The following VPS13B variants were observed in gnomAD, a reference collection of about 807,000 sequenced individuals.
The protein encoded by VPS13B is vacuolar protein sorting 13 homolog B, also known as intermembrane lipid transfer protein VPS13B.
VPS13B carries 285 observed loss-of-function variants against 426.4 expected under a neutral mutation model. That is an observed-to-expected ratio of 0.67 (90% CI 0.61 to 0.74). The LOEUF (loss-of-function observed/expected upper bound fraction) is 0.74. Ranked by LOEUF, VPS13B falls within the 30% of genes least tolerant of loss-of-function variation. The probability of loss-of-function intolerance (pLI) is 0.00; values close to 1 mark genes in which losing one functional copy is unlikely to be tolerated. For synonymous variants in VPS13B, 1,676 were observed against 1,676.4 expected (o/e 1.00, Z 0.01); for missense variants, 4,537 against 4,782.6 (o/e 0.95, Z 1.51).
At chr8:99,832,224 T>C (rs1815102537) in intron 51 of VPS13B, 145 bp from the exon 52 acceptor site, 3 of 1,198,952 alleles carry the variant, frequency 2.5e-6, no homozygotes, top group African/African-American at 3.2e-5. Flanking sequence ...ATGGTGCCAC[T>C]GCACTCCCGC....
At chr8:99,742,866 A>G (rs1449204811) in intron 39 of VPS13B, among the ~76,000 whole-genome samples, 3 of 152,188 alleles carry the variant, frequency 2.0e-5, no homozygotes, top group Non-Finnish European at 2.9e-5. Flanking sequence ...CACAGCCAAT[A>G]TCATACTGAA....
intron 33 of VPS13B, among the ~76,000 whole-genome samples, chr8:99,618,529 T>C (rs1828208376): frequency 1.3e-5 from 2 of 152,238 alleles, no homozygotes; most frequent in Admixed American, 1.3e-4. Context: ...CTAGACTTTT[T>C]ACAGCTTGAA....
intron 35 of VPS13B, among the ~76,000 whole-genome samples, chr8:99,673,826 AT>A (rs761193941): frequency 6.6e-6 from 1 of 151,984 alleles, no homozygotes; most frequent in Non-Finnish European, 1.5e-5. Flanking sequence ...GTCTCAAGAA[AT>A]TTTTAAATTT....
rs762137925 is a variant in VPS13B at position 99,778,874 on chromosome 8, G to A, written c.7622G>A (p.Ser2541Asn). 1.2e-6 allele frequency: 2 copies of A among 1,614,036 alleles called. No individual in the cohort carries two copies. The highest frequency in any genetic ancestry group is 1.7e-6 in the Non-Finnish European group (2 of 1,179,930). ...LLECRNVTMQ[S>N]VVKPFSIFGQ... ...GAGTGCAGAAATGTCACTATGCAAAGTGTGGTGAAACCCTTCAGCATCTTC... is the reference window on the plus strand; with the variant it reads ...GAGTGCAGAAATGTCACTATGCAAAATGTGGTGAAACCCTTCAGCATCTTC... Residue 2541 changes from serine to asparagine, a missense_variant, in exon 42 of 62, where the codon AGT (serine) becomes AAT (asparagine). Physicochemically the swap from Ser to Asn is conservative, Grantham distance 46. Coordinates refer to ENST00000357162, the MANE Select transcript of VPS13B (RefSeq NM_152564.5).
chr8:99,016,626 C>G lies in VPS13B; in HGVS notation c.147+2691C>G, dbSNP rs563233877. Among the ~76,000 whole-genome samples the G allele has an allele frequency of 5.6e-3, 659 of 118,580 alleles. 7 individuals carry two copies. Among genetic ancestry groups the G allele is most frequent in the African/African-American group, 0.02 (637 of 31,212 alleles). 77.8% of individuals were successfully genotyped at this position (118,580 alleles called of 152,430 possible). ...TTTTTTTTTGAGACGGAGTCTCGCT[C>G]TGTTGCCCAGGCTGGAGTGCAGTGG... On this transcript the variant is annotated intron_variant, in intron 2 of 61. Transcript: ENST00000357162.
intron 39 of VPS13B, among the ~76,000 whole-genome samples, chr8:99,759,382 T>C (rs1810807966): frequency 6.6e-6 from 1 of 152,256 alleles, no homozygotes; most frequent in Admixed American, 6.5e-5. Flanking sequence ...TGTAGTTCTC[T>C]GATGTCCTCT....
intron 8 of VPS13B, among the ~76,000 whole-genome samples, chr8:99,127,267 A>G (rs1848226454): frequency 6.6e-6 from 1 of 152,172 alleles, no homozygotes; most frequent in South Asian, 2.1e-4. Context: ...CCAAGGTGAT[A>G]TAACTCCATC....
At chr8:99,558,913 G>T (rs528902537) in intron 31 of VPS13B, among the ~76,000 whole-genome samples, 72 of 152,188 alleles carry the variant, frequency 4.7e-4, no homozygotes, top group Non-Finnish European at 8.1e-4. Context: ...ATAATCCTTT[G>T]GGTATATACC....
At chr8:99,429,024 G>T (rs1047781615) in intron 21 of VPS13B, among the ~76,000 whole-genome samples, 1 of 152,044 alleles carries the variant, frequency 6.6e-6, no homozygotes, top group African/African-American at 2.4e-5. Context: ...GCAAACTAAC[G>T]CAAGGACAAA....
chr8:99,680,307 T>C (rs942714010), intron 35 of VPS13B, among the ~76,000 whole-genome samples: 5 of 152,224 alleles, frequency 3.3e-5, no homozygotes, highest in Admixed American at 6.5e-5. Flanking sequence ...TTCCAGTTGA[T>C]GTTTGGTCCC....
At chr8:99,075,541 T>C (rs907709290) in intron 3 of VPS13B, among the ~76,000 whole-genome samples, 2 of 152,184 alleles carry the variant, frequency 1.3e-5, no homozygotes, top group Non-Finnish European at 1.5e-5. Flanking sequence ...GGGGTTACAT[T>C]GAGGGGCCAA....
intron 50 of VPS13B, 21 bp from the exon 51 acceptor site, chr8:99,823,809 ATT>A (rs1445896226): frequency 6.2e-7 from 1 of 1,610,722 alleles, no homozygotes; most frequent in Admixed American, 1.7e-5. Context: ...TGTCAAAATT[ATT>A]TTTTCTCAAT....
At position 99,112,455 on chromosome 8, in the gene VPS13B, G is replaced by GT. The variant is rs1398352852; in HGVS notation, c.762+1183dup. Among the ~76,000 whole-genome samples, 13 of 151,964 alleles carry GT rather than the reference G, an allele frequency of 8.6e-5. No individual in the cohort carries two copies. The South Asian group carries it at 1.7e-3, about 19-fold the overall frequency. ...TGTACTTAATATGTAAAATCTACAT[G>GT]TTTTTTTCTTGGTAGTGCTTAGTCA... On this transcript the variant is annotated intron_variant, in intron 6 of 61. Coordinates refer to ENST00000357162, the MANE Select transcript of VPS13B (RefSeq NM_152564.5).
chr8:99,787,761 G>C (rs1176697321), intron 43 of VPS13B, among the ~76,000 whole-genome samples: 3 of 152,116 alleles, frequency 2.0e-5, no homozygotes, highest in East Asian at 1.9e-4. Context: ...GATTTATATA[G>C]AGGCTGTTTA....
intron 21 of VPS13B, among the ~76,000 whole-genome samples, chr8:99,416,201 CT>C (rs1815994166): frequency 6.6e-6 from 1 of 152,122 alleles, no homozygotes; most frequent in South Asian, 2.1e-4. Context: ...TTCCCGATGG[CT>C]TTGTTTACAC....
chr8:99,304,150 CAG>C (rs1287926044), intron 19 of VPS13B, among the ~76,000 whole-genome samples: 1 of 152,026 alleles, frequency 6.6e-6, no homozygotes. Flanking sequence ...GTATCTGTCT[CAG>C]GGTTGTCATG....
chr8:99,446,628 T>C (rs963733931), intron 23 of VPS13B, among the ~76,000 whole-genome samples: 1 of 152,200 alleles, frequency 6.6e-6, no homozygotes, highest in Non-Finnish European at 1.5e-5. Flanking sequence ...TTAATTTCTT[T>C]AATCTAGTTC....
At chr8:99,827,402 G>A (rs764799257) in intron 51 of VPS13B, among the ~76,000 whole-genome samples, 2 of 152,032 alleles carry the variant, frequency 1.3e-5, no homozygotes, top group African/African-American at 2.4e-5. Flanking sequence ...ATTTCTGTGG[G>A]ATCAGTGGTG....
At chr8:99,741,116 G>T (rs1809697944) in intron 39 of VPS13B, among the ~76,000 whole-genome samples, 1 of 152,134 alleles carries the variant, frequency 6.6e-6, no homozygotes, top group African/African-American at 2.4e-5. Flanking sequence ...TCAAAATAAA[G>T]GGATAGAGGA....
Sources: allele counts gnomAD v4.1 joint callset (sites outside exome capture counted in the v4.1 genomes callset), GRCh38; gene constraint gnomAD v4.1.1; transcripts MANE v1.5; gene names NCBI Gene and HGNC (gene_info 2026-07-23, HGNC 2026-07-21).